Variants in KCNT2 observed in about 807,000 individuals in gnomAD.
The protein encoded by KCNT2 is potassium sodium-activated channel subfamily T member 2.
In KCNT2, 67 loss-of-function variants were observed where a neutral mutation model predicts 153.8. That is an observed-to-expected ratio of 0.44 (90% CI 0.36 to 0.53). The LOEUF (loss-of-function observed/expected upper bound fraction) is 0.53, where lower values mean the gene tolerates loss of function less well. KCNT2 is among the 20% of genes least tolerant of loss of function. The pLI, the probability that KCNT2 is intolerant of heterozygous loss-of-function variation, is 0.00. For missense variants in KCNT2, 975 were observed against 1,354.8 expected, an observed-to-expected ratio of 0.72 and a Z score of 4.40; for synonymous variants, 500 against 458.8, an observed-to-expected ratio of 1.09 and a Z score of -1.15.
chr1:196,303,369 A>G (rs1398123598), intron 22 of KCNT2, among the ~76,000 whole-genome samples: 1 of 152,166 alleles, frequency 6.6e-6, no homozygotes, highest in East Asian at 1.9e-4. Flanking sequence ...TTGGATAAAG[A>G]GATATATGTA....
intron 1 of KCNT2, among the ~76,000 whole-genome samples, chr1:196,524,761 C>T (rs1055139684): frequency 2.0e-5 from 3 of 152,002 alleles, no homozygotes; most frequent in Admixed American, 1.3e-4. Context: ...GGGTTATCTA[C>T]CTATTGTAGT....
intron 13 of KCNT2, among the ~76,000 whole-genome samples, chr1:196,390,136 G>A (rs571595760): frequency 6.6e-6 from 1 of 151,150 alleles, no homozygotes; most frequent in East Asian, 1.9e-4. Flanking sequence ...AACATTACTT[G>A]TGTACTTGCA....
intron 3 of KCNT2, among the ~76,000 whole-genome samples, chr1:196,485,302 G>A (rs573390106): frequency 6.6e-6 from 1 of 151,936 alleles, no homozygotes; most frequent in South Asian, 2.1e-4. Flanking sequence ...GTTGGGGATT[G>A]GGGGGCGAGG....
chr1:196,343,832 A>G (rs1665896626), intron 14 of KCNT2, among the ~76,000 whole-genome samples: 2 of 151,966 alleles, frequency 1.3e-5, no homozygotes, highest in Admixed American at 6.6e-5. Flanking sequence ...CAGGCTGGAC[A>G]GCAATGGCAC....
intron 8 of KCNT2, among the ~76,000 whole-genome samples, chr1:196,438,746 A>G (rs1195301303): frequency 6.6e-6 from 1 of 151,880 alleles, no homozygotes. Flanking sequence ...TTCATTTGTG[A>G]TTATATAAAA....
chr1:196,306,174 C>A (rs964351071), intron 21 of KCNT2, among the ~76,000 whole-genome samples: 1 of 152,086 alleles, frequency 6.6e-6, no homozygotes, highest in Non-Finnish European at 1.5e-5. Context: ...GTGGCAGCCA[C>A]TTCTGTGATA....
chr1:196,232,440 C>T (rs1307304406), intron 27 of KCNT2, among the ~76,000 whole-genome samples: 1 of 151,546 alleles, frequency 6.6e-6, no homozygotes, highest in East Asian at 1.9e-4. Context: ...CCTATGAGTC[C>T]AATAAAGCAA....
chr1:196,406,891 A>AT (rs1671876607), intron 12 of KCNT2, among the ~76,000 whole-genome samples: 1 of 151,564 alleles, frequency 6.6e-6, no homozygotes, highest in Non-Finnish European at 1.5e-5. Flanking sequence ...CGGAATCTGC[A>AT]TATATATTAT....
At chr1:196,523,788 C>G (rs1359538527) in intron 1 of KCNT2, among the ~76,000 whole-genome samples, 1 of 152,160 alleles carries the variant, frequency 6.6e-6, no homozygotes, top group Non-Finnish European at 1.5e-5. Context: ...CAAATTAAAG[C>G]TGTTGGAACT....
At chr1:196,447,397 A>G (rs1675782296) in intron 8 of KCNT2, among the ~76,000 whole-genome samples, 2 of 151,698 alleles carry the variant, frequency 1.3e-5, no homozygotes, top group African/African-American at 4.8e-5. Flanking sequence ...AGAAACATTT[A>G]GTTCAAAACC....
intron 25 of KCNT2, among the ~76,000 whole-genome samples, chr1:196,272,095 A>C (rs1658115410): frequency 6.6e-6 from 1 of 151,970 alleles, no homozygotes; most frequent in Non-Finnish European, 1.5e-5. Context: ...AAGTTCAGGC[A>C]CAGCTAGTAA....
At chr1:196,257,508 T>A (rs1326291713) in intron 26 of KCNT2, 2 of 970,864 alleles carry the variant, frequency 2.1e-6, no homozygotes, top group Non-Finnish European at 2.4e-6. Flanking sequence ...TCATTTGGTT[T>A]TCCTTTGACT....
At chr1:196,258,562 AT>A in intron 25 of KCNT2, 68 bp from the exon 26 acceptor site, 1 of 1,157,408 alleles carries the variant, frequency 8.6e-7, no homozygotes, top group Non-Finnish European at 1.2e-6. Flanking sequence ...TTGAAATAAT[AT>A]TTTATTTGCT....
chr1:196,501,697 C>A (rs1680710940), intron 1 of KCNT2, among the ~76,000 whole-genome samples: 1 of 152,106 alleles, frequency 6.6e-6, no homozygotes, highest in African/African-American at 2.4e-5. Flanking sequence ...CACTACAACA[C>A]AATATACCCA....
intron 1 of KCNT2, among the ~76,000 whole-genome samples, chr1:196,587,137 T>A (rs1662784538): frequency 6.6e-6 from 1 of 152,092 alleles, no homozygotes; most frequent in African/African-American, 2.4e-5. Flanking sequence ...TAATGTGTTT[T>A]CAAAAATATT....
chr1:196,430,405 T>A (rs988884151), intron 8 of KCNT2, among the ~76,000 whole-genome samples: 38 of 147,594 alleles, frequency 2.6e-4, no homozygotes, highest in Non-Finnish European at 3.3e-4. Context: ...TCTCTCTCTC[T>A]CTTTCTCTCT....
intron 22 of KCNT2, among the ~76,000 whole-genome samples, chr1:196,299,631 A>C (rs575734729): frequency 6.6e-6 from 1 of 152,298 alleles, no homozygotes; most frequent in South Asian, 2.1e-4. Context: ...GAGAAACGGG[A>C]ACGCTTATAA....
chr1:196,482,516 G>A (rs747859716), intron 3 of KCNT2, 137 bp from the exon 4 acceptor site: 28 of 510,726 alleles, frequency 5.5e-5, no homozygotes, highest in African/African-American at 1.0e-4. Flanking sequence ...TTGAAAAAAC[G>A]TTGTTGCCTT....
intron 22 of KCNT2, among the ~76,000 whole-genome samples, chr1:196,302,893 T>C (rs1027874488): frequency 3.9e-5 from 6 of 152,100 alleles, no homozygotes; most frequent in Non-Finnish European, 8.8e-5. Context: ...TCAAACTATT[T>C]ATTTTAATCC....
Sources: gnomAD v4.1 joint callset for allele counts (sites outside exome capture counted in the v4.1 genomes callset) on GRCh38, gnomAD v4.1.1 for gene constraint, MANE v1.5 for transcripts, NCBI Gene and HGNC (gene_info 2026-07-23, HGNC 2026-07-21) for gene names.